PDE10A: variants seen among roughly 807,000 people sequenced by gnomAD.
PDE10A encodes phosphodiesterase 10A, also known as cAMP and cAMP-inhibited cGMP 3',5'-cyclic phosphodiesterase 10A.
Under a neutral mutation model 97.7 loss-of-function variants are expected in PDE10A, and 39 were observed. That is an observed-to-expected ratio of 0.40 (90% CI 0.31 to 0.52). PDE10A has a LOEUF of 0.52. Ranked by LOEUF, PDE10A falls within the 20% of genes least tolerant of loss-of-function variation. PDE10A has a pLI of 0.56. For missense variants in PDE10A, 731 were observed against 1,047.8 expected, an observed-to-expected ratio of 0.70 and a Z score of 4.17; for synonymous variants, 371 against 376.8, an observed-to-expected ratio of 0.98 and a Z score of 0.18.
intron 1 of PDE10A, among the ~76,000 whole-genome samples, chr6:165,797,152 G>C (rs1040277506): frequency 6.6e-6 from 1 of 152,182 alleles, no homozygotes; most frequent in African/African-American, 2.4e-5. Context: ...TTCAGATGAC[G>C]TGTTGAGCAA....
chr6:165,783,278 A>G (rs942306909), intron 1 of PDE10A, among the ~76,000 whole-genome samples: 3 of 152,236 alleles, frequency 2.0e-5, no homozygotes, highest in Non-Finnish European at 4.4e-5. Context: ...AATGACGATT[A>G]CAGTCATCAT....
intron 1 of PDE10A, among the ~76,000 whole-genome samples, chr6:165,644,026 G>C (rs954409364): frequency 6.6e-6 from 1 of 152,096 alleles, no homozygotes; most frequent in Non-Finnish European, 1.5e-5. Context: ...TGGCAGACCT[G>C]TTGTCAGGTA....
intron 10 of PDE10A, among the ~76,000 whole-genome samples, chr6:165,419,979 T>A (rs1461771482): frequency 6.6e-6 from 1 of 152,228 alleles, no homozygotes; most frequent in African/African-American, 2.4e-5. Flanking sequence ...ATGTTTGTAC[T>A]CACTGCTACT....
intron 18 of PDE10A, among the ~76,000 whole-genome samples, chr6:165,347,732 T>C (rs1234074454): frequency 1.3e-5 from 2 of 152,166 alleles, no homozygotes; most frequent in Non-Finnish European, 2.9e-5. Context: ...AGTTGAGACA[T>C]CAAACATTCC....
intron 1 of PDE10A, among the ~76,000 whole-genome samples, chr6:165,956,208 T>C (rs1784130458): frequency 6.6e-6 from 1 of 152,242 alleles, no homozygotes; most frequent in Non-Finnish European, 1.5e-5. Context: ...ATCTACATTA[T>C]GCAAATCTAG....
chr6:165,443,087 G>A (rs778215008), intron 5 of PDE10A, among the ~76,000 whole-genome samples: 26 of 147,984 alleles, frequency 1.8e-4, no homozygotes, highest in Non-Finnish European at 3.7e-4. Flanking sequence ...GCTCCAGCCT[G>A]GGTGACAGAG....
chr6:165,431,206 T>C (rs545424313), intron 8 of PDE10A, among the ~76,000 whole-genome samples: 3 of 151,540 alleles, frequency 2.0e-5, no homozygotes, highest in African/African-American at 4.8e-5. Flanking sequence ...TATAGATATA[T>C]ATGTATGTGA....
At chr6:165,348,170 A>G (rs545746592) in intron 18 of PDE10A, among the ~76,000 whole-genome samples, 1 of 152,332 alleles carries the variant, frequency 6.6e-6, no homozygotes, top group East Asian at 1.9e-4. Flanking sequence ...CAAAAATAAG[A>G]GAAATTATGA....
At chr6:165,483,078 G>C (rs746899818) in intron 2 of PDE10A, among the ~76,000 whole-genome samples, 2 of 152,210 alleles carry the variant, frequency 1.3e-5, no homozygotes, top group Non-Finnish European at 2.9e-5. Context: ...GCACACACAG[G>C]TCATTGATTC....
At chr6:165,806,414 C>A (rs1779141163) in intron 1 of PDE10A, among the ~76,000 whole-genome samples, 1 of 152,220 alleles carries the variant, frequency 6.6e-6, no homozygotes, top group Non-Finnish European at 1.5e-5. Context: ...GGAATGGGAC[C>A]TGGCCCTCTC....
At chr6:165,630,471 G>C (rs2983511) in intron 1 of PDE10A, among the ~76,000 whole-genome samples, 48,385 of 152,044 alleles carry the variant, frequency 0.32, 7,931 homozygotes, top group Middle Eastern at 0.49. Flanking sequence ...ACACTGATCT[G>C]AATGCATTTA....
At chr6:165,891,346 C>T (rs1049647146) in intron 1 of PDE10A, among the ~76,000 whole-genome samples, 3 of 152,124 alleles carry the variant, frequency 2.0e-5, no homozygotes, top group Admixed American at 6.5e-5. Context: ...AGGGCCCAGG[C>T]GTTCTTTGTC....
At chr6:165,600,428 G>A (rs1583622118) in intron 1 of PDE10A, among the ~76,000 whole-genome samples, 3 of 152,244 alleles carry the variant, frequency 2.0e-5, no homozygotes, top group Admixed American at 6.5e-5. Flanking sequence ...TTTTGAGGAC[G>A]CTTGCTTCTT....
At chr6:165,929,213 A>C (rs1382425830) in intron 1 of PDE10A, among the ~76,000 whole-genome samples, 1 of 152,202 alleles carries the variant, frequency 6.6e-6, no homozygotes, top group Non-Finnish European at 1.5e-5. Flanking sequence ...GCAGAAAAAC[A>C]AAAGAACTAA....
intron 2 of PDE10A, among the ~76,000 whole-genome samples, chr6:165,519,238 G>A (rs1017039598): frequency 2.6e-5 from 4 of 151,968 alleles, no homozygotes; most frequent in Non-Finnish European, 4.4e-5. Context: ...ACGGCTGACC[G>A]ACTACCCCCA....
intron 1 of PDE10A, among the ~76,000 whole-genome samples, chr6:165,875,746 T>TTTTTTTTTTTTTTTTTTTTTTTTTGTG (rs780504850): frequency 2.0e-5 from 3 of 147,012 alleles, no homozygotes; most frequent in Admixed American, 6.7e-5. Flanking sequence ...TTTTTTTTTT[T>TTTTTTTTTTTTTTTTTTTTTTTTTGTG]TGTGTGTGTG....
At chr6:165,683,654 G>A (rs4541725) in intron 1 of PDE10A, among the ~76,000 whole-genome samples, 59,596 of 151,980 alleles carry the variant, frequency 0.39, 12,027 homozygotes, top group African/African-American at 0.43. Context: ...CCCTGACCGT[G>A]TGAGGTAGGC....
intron 2 of PDE10A, among the ~76,000 whole-genome samples, chr6:165,522,315 C>T (rs1174814334): frequency 6.6e-6 from 1 of 152,102 alleles, no homozygotes; most frequent in Non-Finnish European, 1.5e-5. Context: ...ACTACATCTC[C>T]CTGATAGCAA....
chr6:165,636,816 T>C (rs928345878), intron 1 of PDE10A, among the ~76,000 whole-genome samples: 8 of 152,174 alleles, frequency 5.3e-5, no homozygotes, highest in Admixed American at 3.9e-4. Context: ...GCTGTAGAAA[T>C]GCTCTGCCTA....
Sources: allele counts gnomAD v4.1 joint callset (sites outside exome capture counted in the v4.1 genomes callset), GRCh38; gene constraint gnomAD v4.1.1; transcripts MANE v1.5; gene names NCBI Gene and HGNC (gene_info 2026-07-23, HGNC 2026-07-21).